HELZ: variants seen among roughly 807,000 people sequenced by gnomAD.
The protein encoded by HELZ is ATP-dependent RNA helicase with zinc finger domain.
Under a neutral mutation model 218.2 loss-of-function variants are expected in HELZ, and 23 were observed. That is an observed-to-expected ratio of 0.11 (90% CI 0.08 to 0.15). The LOEUF is 0.15. Among genes scored for constraint, HELZ ranks in the 10% least tolerant of loss-of-function variants. HELZ has a pLI of 1.00. For missense variants in HELZ, 1,813 were observed against 2,353.7 expected (o/e 0.77, Z 4.75); for synonymous variants, 814 against 829.4 (o/e 0.98, Z 0.32).
chr17:67,100,078 A>C (rs941337100), intron 31 of HELZ, among the ~76,000 whole-genome samples: 3 of 152,322 alleles, frequency 2.0e-5, no homozygotes, highest in Admixed American at 2.0e-4. Flanking sequence ...AGCTATCACC[A>C]TCTATTCCTA....
intron 31 of HELZ, 36 bp downstream of exon 31, chr17:67,107,133 C>T (rs1373334442): frequency 2.0e-6 from 3 of 1,531,428 alleles, no homozygotes. Context: ...TTTTCACAAT[C>T]AGCTAATAAC....
At chr17:67,098,237 T>C (rs921726581) in intron 31 of HELZ, among the ~76,000 whole-genome samples, 2 of 152,188 alleles carry the variant, frequency 1.3e-5, no homozygotes, top group Non-Finnish European at 2.9e-5. Context: ...AGAAACAGCA[T>C]GGGACTGTCA....
chr17:67,088,978 C>T (rs189820625), intron 31 of HELZ, among the ~76,000 whole-genome samples: 266 of 152,234 alleles, frequency 1.7e-3, no homozygotes, highest in African/African-American at 6.0e-3. Flanking sequence ...GGCTGCGCAG[C>T]GTGTCTTTTT....
intron 25 of HELZ, among the ~76,000 whole-genome samples, chr17:67,123,632 A>T (rs147571649): frequency 6.6e-6 from 1 of 152,208 alleles, no homozygotes; most frequent in Non-Finnish European, 1.5e-5. Context: ...TTATGATCTG[A>T]TATTTGTAGG....
At position 67,078,567 on chromosome 17, in the gene HELZ, T is replaced by G; in HGVS notation, c.5514A>C (p.Lys1838Asn). The G allele has an allele frequency of 1.3e-6, 2 of 1,494,496 alleles. No homozygotes were observed. 92.6% of individuals were successfully genotyped at this position (1,494,496 alleles called of 1,614,324 possible). A position where few individuals can be genotyped will look rare whatever the true frequency, so the allele number is the denominator to read the frequency against. ...CCGACTTCAGTTGATCCTCAGGGGG[T>G]TTGACAGTCTTGGGTGGCGCTAAAA... Reference protein sequence around the residue: ...RELIAPPKTVKPPEDQLKSEN... With the variant: ...RELIAPPKTVNPPEDQLKSEN... Residue 1838 changes from lysine to asparagine, a missense_variant, in exon 33 of 33, where the codon AAA becomes AAC. Lys to Asn is a moderately conservative substitution (Grantham distance 94). Around this residue, in one of 4 missense-constraint regions of HELZ, gnomAD observed 938 missense variants for 1,027.5 expected, o/e 0.91. Coordinates refer to ENST00000358691, the MANE Select transcript of HELZ (RefSeq NM_014877.4).
chr17:67,181,796 G>C (rs2039619519), intron 12 of HELZ, among the ~76,000 whole-genome samples: 2 of 151,580 alleles, frequency 1.3e-5, no homozygotes. Context: ...ATGAACTATG[G>C]CCAGTGACTA....
chr17:67,092,743 A>T (rs777127830), intron 31 of HELZ, among the ~76,000 whole-genome samples: 1 of 152,224 alleles, frequency 6.6e-6, no homozygotes, highest in Non-Finnish European at 1.5e-5. Flanking sequence ...AGGTGGGTGG[A>T]TCACCTGAGG....
At chr17:67,152,658 C>T (rs1434836171) in intron 17 of HELZ, among the ~76,000 whole-genome samples, 1 of 149,336 alleles carries the variant, frequency 6.7e-6, no homozygotes, top group Non-Finnish European at 1.5e-5. Context: ...GTAAGCAAGG[C>T]AATACATAAG....
chr17:67,103,633 C>T (rs1394745345), intron 31 of HELZ, among the ~76,000 whole-genome samples: 1 of 152,100 alleles, frequency 6.6e-6, no homozygotes, highest in East Asian at 1.9e-4. Flanking sequence ...TTCAGGTACT[C>T]GAAGACTTAA....
intron 17 of HELZ, among the ~76,000 whole-genome samples, chr17:67,156,927 A>G (rs1244164889): frequency 6.6e-6 from 1 of 152,176 alleles, no homozygotes; most frequent in Admixed American, 6.5e-5. Context: ...GAGGTGTCTG[A>G]ATCATGGCGG....
chr17:67,200,075 T>C (rs1013422208), intron 7 of HELZ, among the ~76,000 whole-genome samples: 2 of 152,194 alleles, frequency 1.3e-5, no homozygotes, highest in African/African-American at 4.8e-5. Context: ...ACAAGAACCA[T>C]GTTCAGTGCT....
intron 26 of HELZ, among the ~76,000 whole-genome samples, chr17:67,122,543 C>G (rs2037645505): frequency 6.7e-6 from 1 of 149,388 alleles, no homozygotes; most frequent in South Asian, 2.1e-4. Context: ...GAGACCCCGT[C>G]TCAAAAAAAA....
intron 31 of HELZ, among the ~76,000 whole-genome samples, chr17:67,094,033 C>G (rs1220202966): frequency 6.6e-6 from 1 of 152,142 alleles, no homozygotes; most frequent in Admixed American, 6.5e-5. Context: ...GCATACTCCA[C>G]TGAACCTAAG....
chr17:67,178,430 T>C (rs1273930167), intron 13 of HELZ, among the ~76,000 whole-genome samples: 1 of 152,166 alleles, frequency 6.6e-6, no homozygotes, highest in Non-Finnish European at 1.5e-5. Context: ...AATAGATGTT[T>C]AATAAGGTCT....
chr17:67,180,834 C>T (rs146122376), intron 12 of HELZ, among the ~76,000 whole-genome samples: 1,960 of 147,560 alleles, frequency 0.013, 50 homozygotes, highest in African/African-American at 0.046. Context: ...GCGGAGATCG[C>T]GCCACTGCAC....
rs572917120 is a variant in HELZ, at chr17:67,202,230, TA to T, written c.373-1046del. Among the ~76,000 whole-genome samples, 515 of 145,554 alleles carry T rather than the reference TA, an allele frequency of 3.5e-3. 1 individual carries two copies. Among genetic ancestry groups the T allele is most frequent in the South Asian group, 0.014 (67 of 4,640 alleles). On this transcript the variant is annotated intron_variant, in intron 6 of 32. Transcript: ENST00000358691. ...AAATTTCTTAAGTTACGAACTGGTTTAAAAAAAAAAAGGTTATAGCTCTTTT... is the reference window on the plus strand; with the variant it reads ...AAATTTCTTAAGTTACGAACTGGTTTAAAAAAAAAAGGTTATAGCTCTTTT...
chr17:67,118,820 A>G (rs1234440219), intron 27 of HELZ, among the ~76,000 whole-genome samples: 1 of 152,086 alleles, frequency 6.6e-6, no homozygotes, highest in Non-Finnish European at 1.5e-5. Context: ...AATCAACCCA[A>G]TAAAAAAGTG....
intron 2 of HELZ, among the ~76,000 whole-genome samples, chr17:67,242,685 A>G (rs1371644868): frequency 1.3e-5 from 2 of 152,066 alleles, no homozygotes; most frequent in Non-Finnish European, 2.9e-5. Context: ...TCTGCCAAAA[A>G]TAAAAATTAT....
At chr17:67,242,781 CTTCCT>C (rs61469019) in intron 2 of HELZ, among the ~76,000 whole-genome samples, 11,657 of 151,558 alleles carry the variant, frequency 0.077, 1,474 homozygotes, top group African/African-American at 0.26. Context: ...TTATGTCCAC[CTTCCT>C]TTCCTAAGTT....
Sources: allele counts gnomAD v4.1 joint callset (sites outside exome capture counted in the v4.1 genomes callset), GRCh38; gene constraint gnomAD v4.1.1; regional missense constraint gnomAD v4.1.1; transcripts MANE v1.5; gene names NCBI Gene and HGNC (gene_info 2026-07-23, HGNC 2026-07-21).